SNCAIP: variants seen among roughly 807,000 people sequenced by gnomAD.
SNCAIP encodes the protein synuclein alpha interacting protein, also known as synphilin-1.
A neutral mutation model predicts 86.7 loss-of-function variants in SNCAIP; 43 were observed. That is an observed-to-expected ratio of 0.50 (90% CI 0.39 to 0.64). SNCAIP has a LOEUF of 0.64. Among genes scored for constraint, SNCAIP ranks in the 30% least tolerant of loss-of-function variants. The pLI, the probability that SNCAIP is intolerant of heterozygous loss-of-function variation, is 0.00. For missense variants in SNCAIP, 981 were observed against 1,103.1 expected, an observed-to-expected ratio of 0.89 and a Z score of 1.57; for synonymous variants, 417 against 427.2, an observed-to-expected ratio of 0.98 and a Z score of 0.29.
At chr5:122,430,378 G>C (rs1156248054) in intron 5 of SNCAIP, among the ~76,000 whole-genome samples, 1 of 152,124 alleles carries the variant, frequency 6.6e-6, no homozygotes, top group Non-Finnish European at 1.5e-5. Context: ...TCTAATAGAA[G>C]GTAACAAGTA....
chr5:122,345,536 C>G (rs933102918), intron 1 of SNCAIP, among the ~76,000 whole-genome samples: 1 of 152,120 alleles, frequency 6.6e-6, no homozygotes, highest in African/African-American at 2.4e-5. Flanking sequence ...GTTGCCTCCC[C>G]CAGTCTCACA....
intron 5 of SNCAIP, among the ~76,000 whole-genome samples, chr5:122,430,477 T>C (rs1778191133): frequency 6.6e-6 from 1 of 152,218 alleles, no homozygotes; most frequent in African/African-American, 2.4e-5. Flanking sequence ...GCTATTTCAC[T>C]GTTTCACAGA....
chr5:122,441,205 G>T (rs1014291304), intron 7 of SNCAIP: 1 of 183,292 alleles, frequency 5.5e-6, no homozygotes, highest in South Asian at 1.2e-4. Flanking sequence ...GTAGGGAGTT[G>T]TAGGCTAGAG....
chr5:122,343,348 ACAT>A (rs1464727509), intron 1 of SNCAIP, among the ~76,000 whole-genome samples: 1 of 152,224 alleles, frequency 6.6e-6, no homozygotes, highest in East Asian at 1.9e-4. Context: ...AAGTAACAAC[ACAT>A]CATTTGAGTT....
chr5:122,399,336 G>T (rs1771288108), intron 2 of SNCAIP, among the ~76,000 whole-genome samples: 1 of 152,270 alleles, frequency 6.6e-6, no homozygotes, highest in Middle Eastern at 3.4e-3. Context: ...GAGCCCCAGA[G>T]ATATTAAATG....
intron 1 of SNCAIP, among the ~76,000 whole-genome samples, chr5:122,316,150 T>C (rs1296463000): frequency 6.6e-6 from 1 of 152,228 alleles, no homozygotes; most frequent in East Asian, 1.9e-4. Flanking sequence ...TAAATCACAG[T>C]GCACTATTGT....
chr5:122,406,387 A>C (rs556859420), intron 3 of SNCAIP, among the ~76,000 whole-genome samples: 1 of 152,226 alleles, frequency 6.6e-6, no homozygotes, highest in South Asian at 2.1e-4. Context: ...AAAAGTCCAC[A>C]TCTTCTTTGG....
intron 8 of SNCAIP, among the ~76,000 whole-genome samples, chr5:122,447,282 G>A (rs369309269): frequency 6.6e-6 from 1 of 152,182 alleles, no homozygotes; most frequent in African/African-American, 2.4e-5. Context: ...AGAGCTGTGC[G>A]ATAATAAACT....
At position 122,423,234 on chromosome 5, in the gene SNCAIP, C is replaced by T. The variant is rs1187099335; in HGVS notation, c.497C>T (p.Ala166Val). The change falls in exon 4 of 11, where the codon GCC becomes GTC. Residue 166 changes from alanine to valine, a missense_variant. Transcript: ENST00000261368. ...VPYIKSSQQL[A>V]SFTKVTSEKR... Reference sequence around the variant, plus strand: ...TATATTAAATCCAGTCAGCAGCTTGCCTCTTTTACCAAGGTGACTTCAGAA... The same window carrying T: ...TATATTAAATCCAGTCAGCAGCTTGTCTCTTTTACCAAGGTGACTTCAGAA... 1 of 1,614,190 alleles carries T rather than the reference C, an allele frequency of 6.2e-7. No homozygotes were observed. The highest frequency in any genetic ancestry group is 8.5e-7 in the Non-Finnish European group (1 of 1,180,028).
At chr5:122,351,404 G>T (rs1463975193) in intron 1 of SNCAIP, among the ~76,000 whole-genome samples, 1 of 151,746 alleles carries the variant, frequency 6.6e-6, no homozygotes, top group Non-Finnish European at 1.5e-5. Context: ...AGGCATGGTG[G>T]CATGCACCTG....
chr5:122,341,382 G>A (rs527368003), intron 1 of SNCAIP, among the ~76,000 whole-genome samples: 2 of 152,260 alleles, frequency 1.3e-5, no homozygotes, highest in East Asian at 1.9e-4. Flanking sequence ...AATCGGAAGT[G>A]CACACTCTGA....
rs898803302 is a variant in SNCAIP, at chr5:122,378,791, A to G, written c.-46-12298A>G. On this transcript the variant is annotated intron_variant, in intron 1 of 10. Coordinates refer to ENST00000261368, the MANE Select transcript of SNCAIP (RefSeq NM_005460.4). ...CAGTTTTCCCAGCACCATTTATTAA[A>G]TAGGGAATCCTTCCCCATTGCTTGT... 2.8e-5 allele frequency among the ~76,000 whole-genome samples: 4 copies of G among 143,998 alleles called. 1 individual carries two copies. The highest frequency in any genetic ancestry group is 4.6e-5 in the Non-Finnish European group (3 of 65,608). 94.5% of individuals were successfully genotyped at this position (143,998 alleles called of 152,430 possible). A position where few individuals can be genotyped will look rare whatever the true frequency, so the allele number is the denominator to read the frequency against.
At chr5:122,382,055 T>C (rs1766953298) in intron 1 of SNCAIP, among the ~76,000 whole-genome samples, 1 of 152,094 alleles carries the variant, frequency 6.6e-6, no homozygotes, top group Non-Finnish European at 1.5e-5. Flanking sequence ...TCTTTGTGGT[T>C]TTCTCTGTAT....
intron 1 of SNCAIP, among the ~76,000 whole-genome samples, chr5:122,316,956 A>T (rs1308142564): frequency 6.6e-6 from 1 of 152,174 alleles, no homozygotes; most frequent in African/African-American, 2.4e-5. Flanking sequence ...ACCAAAGAAT[A>T]CGTTTTTATC....
chr5:122,329,582 C>T (rs1448891906), intron 1 of SNCAIP, among the ~76,000 whole-genome samples: 3 of 152,074 alleles, frequency 2.0e-5, no homozygotes, highest in Non-Finnish European at 2.9e-5. Flanking sequence ...GACAGCCCAG[C>T]ATATGTTTGT....
chr5:122,460,642 T>A (rs531598523), intron 10 of SNCAIP, among the ~76,000 whole-genome samples: 29 of 152,340 alleles, frequency 1.9e-4, no homozygotes, highest in African/African-American at 6.7e-4. Flanking sequence ...TATTCAGTGT[T>A]AATTATCATT....
At chr5:122,387,446 C>T (rs1400261267) in intron 1 of SNCAIP, among the ~76,000 whole-genome samples, 5 of 152,170 alleles carry the variant, frequency 3.3e-5, no homozygotes, top group African/African-American at 1.2e-4. Flanking sequence ...GTCACCATGC[C>T]CGACCCTACA....
chr5:122,385,137 T>C (rs1767836122), intron 1 of SNCAIP, among the ~76,000 whole-genome samples: 1 of 152,208 alleles, frequency 6.6e-6, no homozygotes, highest in African/African-American at 2.4e-5. Context: ...CTCAGCCTGC[T>C]GTGTATTTAT....
intron 10 of SNCAIP, chr5:122,454,584 C>T (rs1464211853): frequency 2.0e-5 from 3 of 152,664 alleles, no homozygotes; most frequent in Non-Finnish European, 4.4e-5. Context: ...ACTTCTATTT[C>T]ATTTCTCCTA....
Sources: allele counts gnomAD v4.1 joint callset (sites outside exome capture counted in the v4.1 genomes callset), GRCh38; gene constraint gnomAD v4.1.1; transcripts MANE v1.5; gene names NCBI Gene and HGNC (gene_info 2026-07-23, HGNC 2026-07-21).